Variants in TMEM232 observed in about 807,000 individuals in gnomAD.
TMEM232 encodes the protein transmembrane protein 232.
Under a neutral mutation model 78.8 loss-of-function variants are expected in TMEM232, and 80 were observed. The ratio of observed to expected loss-of-function variants is 1.01; its 90% CI spans 0.85 to 1.22. TMEM232 has a LOEUF of 1.22. TMEM232 is among the 50% of genes most tolerant of loss of function. TMEM232 has a pLI of 0.00. For synonymous variants in TMEM232, 297 were observed against 254.3 expected, an observed-to-expected ratio of 1.17 and a Z score of -1.60; for missense variants, 881 against 742.2, an observed-to-expected ratio of 1.19 and a Z score of -2.17.
rs540714067 is a variant in TMEM232 at position 110,426,637 on chromosome 5, C to G, written c.1704-1721G>C. 8.6e-5 allele frequency among the ~76,000 whole-genome samples: 13 copies of G among 152,040 alleles called. No homozygotes were observed. In the South Asian group the frequency reaches 2.7e-3, roughly 32 times the overall value. ...AACCAGGAAAAATGGAACCCTCTCC[C>G]AACTTAATTAATATTCAGAAACATT... On this transcript the variant is annotated intron_variant, in intron 12 of 13. Coordinates refer to ENST00000455884, the MANE Select transcript of TMEM232 (RefSeq NM_001039763.4).
upstream of TMEM232, among the ~76,000 whole-genome samples, chr5:110,727,640 A>C (rs186740394): frequency 1.7e-3 from 264 of 152,324 alleles, no homozygotes; most frequent in Non-Finnish European, 2.6e-3. Context: ...CGTAATATAC[A>C]GGGATTGTCC....
chr5:110,466,094 G>A (rs1023337207), intron 12 of TMEM232, among the ~76,000 whole-genome samples: 5 of 152,106 alleles, frequency 3.3e-5, no homozygotes, highest in African/African-American at 7.2e-5. Flanking sequence ...TAGCTGTTTG[G>A]ATAGAAAGGC....
intron 1 of TMEM232, among the ~76,000 whole-genome samples, chr5:110,706,522 C>T (rs187348088): frequency 6.6e-6 from 1 of 152,224 alleles, no homozygotes; most frequent in East Asian, 1.9e-4. Flanking sequence ...AATTTGAACC[C>T]GAGGACACAG....
At chr5:110,421,130 G>GAA (rs1040652887) in intron 13 of TMEM232, among the ~76,000 whole-genome samples, 10 of 151,784 alleles carry the variant, frequency 6.6e-5, no homozygotes, top group African/African-American at 2.4e-4. Context: ...AAAAAATACA[G>GAA]AAAATACAAA....
chr5:110,655,922 G>A (rs374218234), intron 2 of TMEM232, among the ~76,000 whole-genome samples: 1 of 103,446 alleles, frequency 9.7e-6, no homozygotes, highest in African/African-American at 3.7e-5. Flanking sequence ...GGGGGGAGGG[G>A]GGAGGGATAG....
chr5:110,518,164 T>A (rs1323038797), intron 12 of TMEM232, among the ~76,000 whole-genome samples: 1 of 152,036 alleles, frequency 6.6e-6, no homozygotes, highest in Non-Finnish European at 1.5e-5. Context: ...CTCTCTTTCA[T>A]CTCTTGTGTC....
intron 10 of TMEM232, among the ~76,000 whole-genome samples, chr5:110,601,973 G>A (rs1780967273): frequency 6.6e-6 from 1 of 152,054 alleles, no homozygotes; most frequent in Admixed American, 6.6e-5. Context: ...ACAGAACAGA[G>A]GCTTCAGAAA....
intron 2 of TMEM232, among the ~76,000 whole-genome samples, chr5:110,399,350 A>G (rs1028683720): frequency 2.0e-5 from 3 of 152,102 alleles, no homozygotes; most frequent in Non-Finnish European, 4.4e-5. Context: ...CTCTCCTCCT[A>G]TTTGTTAACT....
chr5:110,511,360 T>C (rs1767712888), intron 12 of TMEM232, among the ~76,000 whole-genome samples: 1 of 151,724 alleles, frequency 6.6e-6, no homozygotes, highest in South Asian at 2.1e-4. Context: ...GGTTGATGGG[T>C]ACAGCAAACC....
At chr5:110,647,521 T>A (rs959023148) in intron 2 of TMEM232, among the ~76,000 whole-genome samples, 1 of 151,872 alleles carries the variant, frequency 6.6e-6, no homozygotes, top group African/African-American at 2.4e-5. Flanking sequence ...AAATATGAAG[T>A]TTTTTGTCGT....
At chr5:110,716,298 T>A (rs1394181843) in intron 1 of TMEM232, among the ~76,000 whole-genome samples, 1 of 152,168 alleles carries the variant, frequency 6.6e-6, no homozygotes, top group East Asian at 1.9e-4. Flanking sequence ...GTGGGAGAAT[T>A]ATTTTCAGAT....
At chr5:110,542,071 T>C (rs906997587) in intron 11 of TMEM232, among the ~76,000 whole-genome samples, 1 of 152,190 alleles carries the variant, frequency 6.6e-6, no homozygotes, top group Non-Finnish European at 1.5e-5. Context: ...ATGTCTGCGA[T>C]ACCTGAAGCC....
chr5:110,394,571 C>T (rs2112560830), intron 3 of TMEM232, among the ~76,000 whole-genome samples: 1 of 152,272 alleles, frequency 6.6e-6, no homozygotes, highest in South Asian at 2.1e-4. Flanking sequence ...TAGACACTTA[C>T]AGCTATAAAC....
At chr5:110,452,734 G>A (rs1383557346) in intron 12 of TMEM232, among the ~76,000 whole-genome samples, 1 of 152,186 alleles carries the variant, frequency 6.6e-6, no homozygotes, top group East Asian at 1.9e-4. Flanking sequence ...GTATAGCCTA[G>A]TGTTTTTATT....
At chr5:110,692,988 G>A (rs913468347) in intron 1 of TMEM232, among the ~76,000 whole-genome samples, 17 of 152,202 alleles carry the variant, frequency 1.1e-4, no homozygotes, top group Non-Finnish European at 2.2e-4. Flanking sequence ...CGAGATCTGA[G>A]AACAGGCAGA....
intron 3 of TMEM232, among the ~76,000 whole-genome samples, chr5:110,395,389 C>G (rs1755346140): frequency 6.6e-6 from 1 of 152,120 alleles, no homozygotes; most frequent in African/African-American, 2.4e-5. Context: ...GTTCTATATT[C>G]TCCTTTCAGC....
intron 12 of TMEM232, among the ~76,000 whole-genome samples, chr5:110,526,025 C>CA (rs758110596): frequency 0.17 from 7,874 of 45,510 alleles, 494 homozygotes; most frequent in East Asian, 0.26. Context: ...CACCATACAC[C>CA]AAAAAAAAAA....
chr5:110,426,882 A>T (rs1284365728), intron 12 of TMEM232, among the ~76,000 whole-genome samples: 1 of 152,050 alleles, frequency 6.6e-6, no homozygotes, highest in Non-Finnish European at 1.5e-5. Flanking sequence ...CAGAATCTTA[A>T]AATCATTTTA....
At chr5:110,531,973 A>G (rs1294215431) in intron 11 of TMEM232, among the ~76,000 whole-genome samples, 3 of 152,166 alleles carry the variant, frequency 2.0e-5, no homozygotes, top group African/African-American at 4.8e-5. Flanking sequence ...CAAAGTGTAC[A>G]ATCACAGAAA....
Sources: gnomAD v4.1 joint callset for allele counts (sites outside exome capture counted in the v4.1 genomes callset) on GRCh38, gnomAD v4.1.1 for gene constraint, MANE v1.5 for transcripts, NCBI Gene and HGNC (gene_info 2026-07-23, HGNC 2026-07-21) for gene names.